The following AGAP1 variants were observed in gnomAD, a reference collection of about 807,000 sequenced individuals.
AGAP1 encodes arf-GAP with GTPase, ANK repeat and PH domain-containing protein 1.
A neutral mutation model predicts 105.3 loss-of-function variants in AGAP1; 29 were observed. That is an observed-to-expected ratio of 0.28 (90% CI 0.21 to 0.38). The LOEUF (loss-of-function observed/expected upper bound fraction) is 0.38. Ranked by LOEUF, AGAP1 falls within the 10% of genes least tolerant of loss-of-function variation. The pLI is 1.00. For missense variants in AGAP1, 998 were observed against 1,165.1 expected (o/e 0.86, Z 2.09); for synonymous variants, 509 against 485.9 (o/e 1.05, Z -0.63).
intron 12 of AGAP1, among the ~76,000 whole-genome samples, chr2:235,939,746 TCTC>T: frequency 6.6e-6 from 1 of 152,116 alleles, no homozygotes; most frequent in Non-Finnish European, 1.5e-5. Context: ...TGAAACCCTC[TCTC>T]CTCTGGGCTT....
rs1353070915 is a variant in AGAP1 at position 235,864,560 on chromosome 2, A to T, written c.1051-18785A>T. ...CAAACGCAGGTCAGCATGGAGGGGC[A>T]GCCTGCAGAGGTGTCACCAGCAGCC... On this transcript the variant is annotated intron_variant, in intron 9 of 17. Coordinates refer to ENST00000304032, the MANE Select transcript of AGAP1 (RefSeq NM_001037131.3). The surrounding 1 kb of genome is among the most constrained non-coding windows in gnomAD (Gnocchi z 5.0). 1.3e-5 allele frequency among the ~76,000 whole-genome samples: 2 copies of T among 152,182 alleles called. No individual in the cohort carries two copies. The highest frequency in any genetic ancestry group is 2.4e-5 in the African/African-American group (1 of 41,452).
intron 9 of AGAP1, among the ~76,000 whole-genome samples, chr2:235,846,320 T>C (rs1316405806): frequency 6.6e-6 from 1 of 152,002 alleles, no homozygotes; most frequent in Non-Finnish European, 1.5e-5. Context: ...GTTCTATGGG[T>C]TATTTATTTA....
chr2:235,788,850 G>T lies in AGAP1; in HGVS notation c.674-8909G>T, dbSNP rs1956805157. On this transcript the variant is annotated intron_variant, in intron 6 of 17. Coordinates refer to ENST00000304032, the MANE Select transcript of AGAP1 (RefSeq NM_001037131.3). This position sits in a 1 kb window ranked among gnomAD's most constrained non-coding sequence, Gnocchi z 6.0. ...CCACACCACGTTAGGGTGCTTTTCG[G>T]CATCTCTCAGTGGGGTGAACGTTTG... Among the ~76,000 whole-genome samples, 1 of 152,162 alleles carries T rather than the reference G, an allele frequency of 6.6e-6. No homozygotes were observed. Among genetic ancestry groups the T allele is most frequent in the Non-Finnish European group, 1.5e-5 (1 of 68,032 alleles).
chr2:235,731,127 T>C (rs1281572649), intron 3 of AGAP1, among the ~76,000 whole-genome samples: 2 of 152,196 alleles, frequency 1.3e-5, no homozygotes, highest in Non-Finnish European at 2.9e-5. Flanking sequence ...GATGGCTGTT[T>C]GTTTGGTGGT....
intron 6 of AGAP1, among the ~76,000 whole-genome samples, chr2:235,755,188 G>C (rs1217424698): frequency 6.6e-6 from 1 of 152,194 alleles, no homozygotes; most frequent in Non-Finnish European, 1.5e-5. Context: ...TTCCTAGATT[G>C]CTTCACAGCC....
At chr2:235,952,132 T>A (rs2053763721) in intron 12 of AGAP1, among the ~76,000 whole-genome samples, 1 of 152,190 alleles carries the variant, frequency 6.6e-6, no homozygotes, top group Non-Finnish European at 1.5e-5. Flanking sequence ...TTGACGTGAA[T>A]GTGCTGAGCA....
chr2:235,519,194 TCC>T (rs1423544691), intron 1 of AGAP1, among the ~76,000 whole-genome samples: 1 of 152,064 alleles, frequency 6.6e-6, no homozygotes, highest in Non-Finnish European at 1.5e-5. Context: ...CACCTCAGCC[TCC>T]CAGGTAGCTA....
intron 1 of AGAP1, among the ~76,000 whole-genome samples, chr2:235,607,344 C>G (rs960694307): frequency 2.0e-5 from 3 of 152,230 alleles, no homozygotes; most frequent in African/African-American, 7.2e-5. Flanking sequence ...GTACTTGGAT[C>G]AAACTTTACC....
chr2:236,066,372 C>A (rs1003984537), intron 16 of AGAP1, among the ~76,000 whole-genome samples: 1 of 152,136 alleles, frequency 6.6e-6, no homozygotes, highest in Non-Finnish European at 1.5e-5. Flanking sequence ...ACTACAGACA[C>A]CTGCCACCAC....
rs554786584 is a variant in AGAP1 at position 235,662,962 on chromosome 2, G to A, written c.164-46217G>A. Among the ~76,000 whole-genome samples the A allele has an allele frequency of 2.6e-5, 4 of 152,276 alleles. No homozygotes were observed. The highest frequency in any genetic ancestry group is 9.6e-5 in the African/African-American group (4 of 41,552). ...CTAACTAGGAGGGCAGGTAGCTGCC[G>A]CTCCCAGCAGCCCCTGATGTGTTTT... On this transcript the variant is annotated intron_variant, in intron 1 of 17. Coordinates refer to ENST00000304032, the MANE Select transcript of AGAP1 (RefSeq NM_001037131.3). The surrounding 1 kb of genome is among the most constrained non-coding windows in gnomAD (Gnocchi z 4.2).
chr2:235,910,892 G>A (rs948567500), intron 11 of AGAP1, among the ~76,000 whole-genome samples: 29 of 61,122 alleles, frequency 4.7e-4, no homozygotes, highest in East Asian at 3.3e-3. Flanking sequence ...TCCAGCCTGC[G>A]CGACAGAGTG....
rs544060715 is a variant in AGAP1, at chr2:236,078,443, C to T, written c.2114+29162C>T. On this transcript the variant is annotated intron_variant, in intron 16 of 17. Coordinates refer to ENST00000304032, the MANE Select transcript of AGAP1 (RefSeq NM_001037131.3). The surrounding 1 kb of genome is among the most constrained non-coding windows in gnomAD (Gnocchi z 5.3). ...TGTGTGTGATGAAATCACTGGCCGC[C>T]GTGGCCTGGCCAGGTTGACATGTGA... is the stretch of plus-strand genomic sequence containing the variant. Among the ~76,000 whole-genome samples, 16 of 152,232 alleles carry T rather than the reference C, an allele frequency of 1.1e-4. No homozygotes were observed. Among genetic ancestry groups the T allele is most frequent in the Admixed American group, 6.5e-4 (10 of 15,280 alleles).
In AGAP1 at chr2:235,970,596, A is replaced by T. The variant is rs188827816; in HGVS notation, c.1645+1973A>T. ...TTCTTGCATTTGTTGTGTGTTTCCA[A>T]CCGAGGTCTGTGGTTTTTTCTTATG... On this transcript the variant is annotated intron_variant, in intron 13 of 17. Coordinates refer to ENST00000304032, the MANE Select transcript of AGAP1 (RefSeq NM_001037131.3). The surrounding 1 kb of genome is among the most constrained non-coding windows in gnomAD (Gnocchi z 5.4). Among the ~76,000 whole-genome samples the T allele has an allele frequency of 1.3e-5, 2 of 152,100 alleles. No individual in the cohort carries two copies. Among genetic ancestry groups the T allele is most frequent in the Non-Finnish European group, 2.9e-5 (2 of 68,028 alleles).
chr2:235,528,813 G>A (rs1209498424), intron 1 of AGAP1, among the ~76,000 whole-genome samples: 1 of 152,116 alleles, frequency 6.6e-6, no homozygotes. Context: ...TAGTAGCTGG[G>A]ATTACAGTCA....
In AGAP1 at chr2:235,660,666, C is replaced by T. The variant is rs1030010138; in HGVS notation, c.164-48513C>T. Among the ~76,000 whole-genome samples the T allele has an allele frequency of 1.2e-4, 18 of 151,966 alleles. No individual in the cohort carries two copies. The highest frequency in any genetic ancestry group is 3.9e-4 in the East Asian group (2 of 5,158). On this transcript the variant is annotated intron_variant, in intron 1 of 17. Transcript: ENST00000304032. The surrounding 1 kb of genome is among the most constrained non-coding windows in gnomAD (Gnocchi z 5.3). Reference sequence around the variant, plus strand: ...TGCTGATCCCAGCAGGAGATAGTGGCGAGACTGGGTATGGTGTGGTTGGGA... The same window carrying T: ...TGCTGATCCCAGCAGGAGATAGTGGTGAGACTGGGTATGGTGTGGTTGGGA...
intron 16 of AGAP1, among the ~76,000 whole-genome samples, chr2:236,079,290 G>C (rs1385171105): frequency 6.8e-6 from 1 of 147,664 alleles, no homozygotes; most frequent in African/African-American, 2.6e-5. Flanking sequence ...GAGGCCAAGC[G>C]GGAGAGTTTC....
chr2:235,755,682 C>T (rs1260550112), intron 6 of AGAP1, among the ~76,000 whole-genome samples: 2 of 152,220 alleles, frequency 1.3e-5, no homozygotes, highest in Non-Finnish European at 2.9e-5. Flanking sequence ...CTCAAGTGAT[C>T]CTCTGGCCTC....
intron 1 of AGAP1, among the ~76,000 whole-genome samples, chr2:235,561,597 C>G (rs1046753089): frequency 1.3e-5 from 2 of 152,132 alleles, no homozygotes; most frequent in African/African-American, 4.8e-5. Context: ...CAGTCCCAGC[C>G]CCAGGCAAGT....
In AGAP1 at chr2:235,724,900, C is replaced by A. The variant is rs1022130146; in HGVS notation, c.310+7256C>A. Among the ~76,000 whole-genome samples the A allele has an allele frequency of 6.6e-6, 1 of 152,178 alleles. No homozygotes were observed. The highest frequency in any genetic ancestry group is 1.5e-5 in the Non-Finnish European group (1 of 68,034). On this transcript the variant is annotated intron_variant, in intron 3 of 17. Coordinates refer to ENST00000304032, the MANE Select transcript of AGAP1 (RefSeq NM_001037131.3). The surrounding 1 kb of genome is among the most constrained non-coding windows in gnomAD (Gnocchi z 4.9). Reference sequence around the variant, plus strand: ...TTACATCTCTCCAAGAGAAGCCTTTCGCTTGTCTGTTTGGTTTATTTGGTT... The same window carrying A: ...TTACATCTCTCCAAGAGAAGCCTTTAGCTTGTCTGTTTGGTTTATTTGGTT...
Sources: gnomAD v4.1 joint callset for allele counts (sites outside exome capture counted in the v4.1 genomes callset) on GRCh38, gnomAD v4.1.1 for gene constraint, Gnocchi (gnomAD v3.1) non-coding constraint, MANE v1.5 for transcripts, NCBI Gene and HGNC (gene_info 2026-07-23, HGNC 2026-07-21) for gene names.